The following OCA2 variants were observed in gnomAD, a reference collection of about 807,000 sequenced individuals.
The protein encoded by OCA2 is P protein.
Under a neutral mutation model 100.2 loss-of-function variants are expected in OCA2, and 77 were observed. That is an observed-to-expected ratio of 0.77 (90% confidence interval 0.64 to 0.93). The LOEUF is 0.93. Among genes scored for constraint, OCA2 ranks in the 40% least tolerant of loss-of-function variants. The pLI is 0.00. For synonymous variants in OCA2, 432 were observed against 439.2 expected, an observed-to-expected ratio of 0.98 and a Z score of 0.21; for missense variants, 1,062 against 1,089.1, an observed-to-expected ratio of 0.98 and a Z score of 0.35.
At chr15:27,933,447 A>G (rs2039331769) in intron 18 of OCA2, among the ~76,000 whole-genome samples, 1 of 152,178 alleles carries the variant, frequency 6.6e-6, no homozygotes, top group Admixed American at 6.5e-5. Context: ...TGTTTTGGAG[A>G]TAACGGTAAT....
Position 27,770,249 on chromosome 15 carries a change from G to A in OCA2, c.2433-14777C>T, listed in dbSNP as rs1200879582. ...GGGGCGTTCAGGGCGGGGGCTCCGC[G>A]GGGTCCGCAGGCCTCCTGGTCGCGC... On this transcript the variant is annotated intron_variant, in intron 23 of 23. Transcript: ENST00000354638. 3.9e-5 allele frequency among the ~76,000 whole-genome samples: 6 copies of A among 152,312 alleles called. No homozygotes were observed. In the South Asian group the frequency reaches 6.2e-4, roughly 16 times the overall value.
chr15:27,772,283 T>C (rs1046919962), intron 23 of OCA2, among the ~76,000 whole-genome samples: 5 of 152,240 alleles, frequency 3.3e-5, no homozygotes, highest in African/African-American at 1.2e-4. Flanking sequence ...TGAAATGGTA[T>C]GCATTATTGT....
At chr15:28,080,690 G>A (rs1423194991) in intron 2 of OCA2, among the ~76,000 whole-genome samples, 1 of 152,226 alleles carries the variant, frequency 6.6e-6, no homozygotes, top group East Asian at 1.9e-4. Flanking sequence ...CATCAGTACT[G>A]CAGGGGTCGG....
At chr15:27,881,979 A>G (rs1199045965) in intron 19 of OCA2, among the ~76,000 whole-genome samples, 1 of 152,164 alleles carries the variant, frequency 6.6e-6, no homozygotes, top group East Asian at 1.9e-4. Flanking sequence ...TCGATATGAC[A>G]TCTTTCTAGC....
chr15:28,079,523 A>G (rs1275400961), intron 2 of OCA2, among the ~76,000 whole-genome samples: 6 of 151,926 alleles, frequency 3.9e-5, no homozygotes, highest in African/African-American at 1.5e-4. Context: ...CATTCACACC[A>G]GTGAGCCCTT....
chr15:28,022,244 T>C (rs559655504), intron 6 of OCA2, among the ~76,000 whole-genome samples: 2 of 152,208 alleles, frequency 1.3e-5, no homozygotes, highest in African/African-American at 4.8e-5. Context: ...GAAAGCCAGG[T>C]CCTGGCTGGA....
At chr15:28,005,397 G>A (rs1020440924) in intron 9 of OCA2, among the ~76,000 whole-genome samples, 1 of 152,244 alleles carries the variant, frequency 6.6e-6, no homozygotes, top group East Asian at 1.9e-4. Flanking sequence ...TTCCCGGGCT[G>A]CTGTCACCAA....
At chr15:27,899,597 A>C (rs1253382832) in intron 19 of OCA2, among the ~76,000 whole-genome samples, 2 of 151,964 alleles carry the variant, frequency 1.3e-5, no homozygotes, top group African/African-American at 4.8e-5. Context: ...TTGGTTTCTC[A>C]CTCAGTTCCT....
At chr15:27,824,608 A>C (rs542995828) in intron 23 of OCA2, among the ~76,000 whole-genome samples, 269 of 26,070 alleles carry the variant, frequency 0.01, 4 homozygotes, top group East Asian at 0.039. Flanking sequence ...CTCTCTATAT[A>C]TATATATATA....
intron 21 of OCA2, among the ~76,000 whole-genome samples, chr15:27,853,595 G>T (rs1595520354): frequency 1.3e-5 from 2 of 149,440 alleles, no homozygotes; most frequent in Admixed American, 6.6e-5. Flanking sequence ...AAAAAAAAAA[G>T]AAATTTGTGT....
intron 1 of OCA2, among the ~76,000 whole-genome samples, chr15:28,083,051 G>C (rs2044702596): frequency 6.6e-6 from 1 of 152,244 alleles, no homozygotes; most frequent in South Asian, 2.1e-4. Flanking sequence ...TGGCCATGCA[G>C]GATGTCTGGC....
Position 28,022,535 on chromosome 15 carries a change from C to T in OCA2, c.612G>A (p.Trp204Ter), listed in dbSNP as rs2042625844. 1.2e-6 allele frequency: 2 copies of T among 1,613,904 alleles called. No individual in the cohort carries two copies. Among genetic ancestry groups the T allele is most frequent in the Non-Finnish European group, 1.7e-6 (2 of 1,179,914 alleles). The change falls in exon 6 of 24, where the codon TGG becomes TGA. Residue 204 changes from tryptophan (W) to a stop codon, truncating the protein, a stop_gained. Coordinates refer to ENST00000354638, the MANE Select transcript of OCA2 (RefSeq NM_000275.3). LOFTEE classifies it high-confidence loss of function. Reference sequence around the variant, plus strand: ...CCAGCGGTGATAAGGCCAACAGCTGCCAGAGCTTTCCTTGATCCGGATATA... The same window carrying T: ...CCAGCGGTGATAAGGCCAACAGCTGTCAGAGCTTTCCTTGATCCGGATATA... Reference protein sequence around the residue: ...FSLYPDQGKLWQLLALSPLEN... With the variant: ...FSLYPDQGKL
chr15:27,834,180 G>A (rs2035062693), intron 23 of OCA2, among the ~76,000 whole-genome samples: 1 of 152,166 alleles, frequency 6.6e-6, no homozygotes, highest in Admixed American at 6.5e-5. Flanking sequence ...ACCAGGGCTG[G>A]AGATTGAGCC....
At chr15:28,012,478 C>T (rs1376265388) in intron 9 of OCA2, among the ~76,000 whole-genome samples, 2 of 152,160 alleles carry the variant, frequency 1.3e-5, no homozygotes, top group Non-Finnish European at 2.9e-5. Context: ...CCCTGCCATG[C>T]TCCCTTCTAT....
At chr15:27,896,830 T>A (rs904919286) in intron 19 of OCA2, among the ~76,000 whole-genome samples, 1 of 152,158 alleles carries the variant, frequency 6.6e-6, no homozygotes, top group Non-Finnish European at 1.5e-5. Context: ...GAAATTTGCA[T>A]AAGTAATGAG....
the OCA2 span, among the ~76,000 whole-genome samples, chr15:27,732,276 AGG>A: frequency 2.6e-5 from 4 of 152,236 alleles, no homozygotes; most frequent in Non-Finnish European, 4.4e-5. Context: ...TGGAGGAAGA[AGG>A]ACCAAAAACA....
At chr15:27,978,977 G>A (rs972980855) in intron 14 of OCA2, among the ~76,000 whole-genome samples, 19 of 152,158 alleles carry the variant, frequency 1.2e-4, no homozygotes, top group Admixed American at 2.0e-4. Flanking sequence ...ATGAGCCACC[G>A]CGCCTGGCCT....
chr15:27,729,682 G>GA, the OCA2 span, among the ~76,000 whole-genome samples: 4 of 152,064 alleles, frequency 2.6e-5, no homozygotes, highest in Non-Finnish European at 1.5e-5. Flanking sequence ...CCTATGGCGG[G>GA]AAAAAATCCT....
chr15:27,748,591 C>A, the OCA2 span, among the ~76,000 whole-genome samples: 2 of 152,270 alleles, frequency 1.3e-5, no homozygotes, highest in African/African-American at 4.8e-5. Flanking sequence ...TAAATATAAT[C>A]CATAATGTCC....
Sources: gnomAD v4.1 joint callset for allele counts (sites outside exome capture counted in the v4.1 genomes callset) on GRCh38, gnomAD v4.1.1 for gene constraint, MANE v1.5 for transcripts, NCBI Gene and HGNC (gene_info 2026-07-23, HGNC 2026-07-21) for gene names.